KCNG2: variants seen among roughly 807,000 people sequenced by gnomAD.
The protein encoded by KCNG2 is voltage-gated potassium channel regulatory subunit KCNG2.
A neutral mutation model predicts 12.3 loss-of-function variants in KCNG2; 7 were observed. The ratio of observed to expected loss-of-function variants is 0.57; its 90% CI spans 0.32 to 1.07. The LOEUF (loss-of-function observed/expected upper bound fraction) is 1.07. Among genes scored for constraint, KCNG2 ranks in the 50% least tolerant of loss-of-function variants. The pLI is 0.04. For synonymous variants in KCNG2, 414 were observed against 351.4 expected (o/e 1.18, Z -1.99); for missense variants, 703 against 726.0 (o/e 0.97, Z 0.36).
intron 1 of KCNG2, among the ~76,000 whole-genome samples, chr18:79,813,312 A>G (rs1189163540): frequency 6.6e-6 from 1 of 152,254 alleles, no homozygotes; most frequent in Non-Finnish European, 1.5e-5. Context: ...CAGGCACACA[A>G]GTCTGGTTCA....
Position 79,871,505 on chromosome 18 carries a change from C to G in KCNG2, c.624+7214C>G, listed in dbSNP as rs77489144. ...CTCTGGGCCATGGCCCCTTCCCATC[C>G]ATGTGGTATAACAAGGGCTGTATTA... On this transcript the variant is annotated intron_variant, in intron 3 of 3. Coordinates refer to ENST00000316249, the MANE Select transcript of KCNG2 (RefSeq NM_012283.2). 7.0e-4 allele frequency among the ~76,000 whole-genome samples: 107 copies of G among 152,090 alleles called. No individual in the cohort carries two copies. In the East Asian group the frequency reaches 0.012, roughly 17 times the overall value.
At chr18:79,848,891 G>A (rs1599390145) in intron 1 of KCNG2, among the ~76,000 whole-genome samples, 1 of 152,316 alleles carries the variant, frequency 6.6e-6, no homozygotes, top group East Asian at 1.9e-4. Context: ...CTGTGCCTCG[G>A]TCCGCATGGG....
At chr18:79,889,881 C>A (rs894934541) in intron 3 of KCNG2, among the ~76,000 whole-genome samples, 1 of 152,166 alleles carries the variant, frequency 6.6e-6, no homozygotes, top group African/African-American at 2.4e-5. Flanking sequence ...TCTATAGATG[C>A]CCTTTTTGCG....
At chr18:79,838,412 T>C (rs540772305) in intron 1 of KCNG2, among the ~76,000 whole-genome samples, 29 of 151,280 alleles carry the variant, frequency 1.9e-4, no homozygotes, top group African/African-American at 6.6e-4. Context: ...GCCAAACAAG[T>C]CTTTTTTTTT....
At chr18:79,866,497 GGTCTGGGTGCTGAGGTCTGGGTGCTGAA>G (rs1979560680) in intron 3 of KCNG2, among the ~76,000 whole-genome samples, 3 of 120,976 alleles carry the variant, frequency 2.5e-5, no homozygotes, top group African/African-American at 6.3e-5. Context: ...TGTGCTGAGA[GGTCTGGGTGCTGAGGTCTGGGTGCTGAA>G]GTCTGGGTGC....
rs1478327097 is a variant in KCNG2, at chr18:79,856,386, C to A, written c.-107C>A. Among the ~76,000 whole-genome samples, 1 of 152,226 alleles carries A rather than the reference C, an allele frequency of 6.6e-6. No individual in the cohort carries two copies. Among genetic ancestry groups the A allele is most frequent in the East Asian group, 1.9e-4 (1 of 5,202 alleles). The stretch of plus-strand genomic sequence containing the variant: ...TGGATGTTCATTTTCCAGGTCGAAG[C>A]CGCTGGTCTCAGCTGTGTTTTCACC... On this transcript the variant is annotated 5_prime_UTR_variant, in exon 2 of 4. Coordinates refer to ENST00000316249, the MANE Select transcript of KCNG2 (RefSeq NM_012283.2).
In KCNG2 at chr18:79,856,382, G is replaced by A. The variant is rs1293930365; in HGVS notation, c.-111G>A. On this transcript the variant is annotated 5_prime_UTR_variant, in exon 2 of 4. Coordinates refer to ENST00000316249, the MANE Select transcript of KCNG2 (RefSeq NM_012283.2). ...AAACTGGATGTTCATTTTCCAGGTC[G>A]AAGCCGCTGGTCTCAGCTGTGTTTT... 6.6e-6 allele frequency among the ~76,000 whole-genome samples: 1 copy of A among 152,192 alleles called. No individual in the cohort carries two copies. Among genetic ancestry groups the A allele is most frequent in the East Asian group, 1.9e-4 (1 of 5,202 alleles).
rs554879080 is a variant in KCNG2 at position 79,849,022 on chromosome 18, C to T, written c.-114-7357C>T. On this transcript the variant is annotated intron_variant, in intron 1 of 3. Coordinates refer to ENST00000316249, the MANE Select transcript of KCNG2 (RefSeq NM_012283.2). ...GTGGATAATGAGTGCTTCCTGGACA[C>T]GGGACCCGTGCGGACACAGGAGAGG... Among the ~76,000 whole-genome samples, 7 of 152,270 alleles carry T rather than the reference C, an allele frequency of 4.6e-5. No individual in the cohort carries two copies. In the South Asian group the frequency reaches 8.3e-4, roughly 18 times the overall value.
intron 3 of KCNG2, among the ~76,000 whole-genome samples, chr18:79,887,251 TGAG>T (rs891469068): frequency 2.0e-5 from 3 of 149,844 alleles, no homozygotes; most frequent in Admixed American, 6.6e-5. Context: ...GGAGGGGACA[TGAG>T]GGAGATGCCT....
rs910718734 is a variant in KCNG2, at chr18:79,864,070, G to A, written c.403G>A (p.Ala135Thr). The A allele has an allele frequency of 1.1e-5, 12 of 1,077,668 alleles. No homozygotes were observed. In the African/African-American group the frequency reaches 1.9e-4, roughly 17 times the overall value. The allele number at this position is 1,077,668 out of a possible 1,614,324, so 66.8% of individuals were successfully genotyped here. A position where few individuals can be genotyped will look rare whatever the true frequency, so the allele number is the denominator to read the frequency against. Residue 135 changes from alanine to threonine, a missense_variant, in exon 3 of 4, where the codon GCG becomes ACG. Coordinates refer to ENST00000316249, the MANE Select transcript of KCNG2 (RefSeq NM_012283.2). ...RREEEAAEAR[A>T]GPTERGAQGS... ...CGAGGAGGAGGCGGCCGAGGCCCGC[G>A]CGGGGCCGACGGAGCGCGGGGCGCA...
At chr18:79,888,020 T>G (rs1197365171) in intron 3 of KCNG2, among the ~76,000 whole-genome samples, 1 of 152,212 alleles carries the variant, frequency 6.6e-6, no homozygotes, top group Non-Finnish European at 1.5e-5. Flanking sequence ...TCTGAATGCA[T>G]TTAACACCCT....
At chr18:79,801,329 C>T (rs916357308) in intron 1 of KCNG2, among the ~76,000 whole-genome samples, 1 of 152,236 alleles carries the variant, frequency 6.6e-6, no homozygotes, top group Non-Finnish European at 1.5e-5. Context: ...CTGTGAAGGC[C>T]TCAGGCCTCG....
At chr18:79,828,505 GTC>G (rs907584660) in intron 1 of KCNG2, among the ~76,000 whole-genome samples, 13 of 24,218 alleles carry the variant, frequency 5.4e-4, no homozygotes, top group Non-Finnish European at 5.1e-3. Flanking sequence ...GTCTACATGA[GTC>G]TGTGTAGTGT....
chr18:79,893,020 C>G (rs943318999), intron 3 of KCNG2, among the ~76,000 whole-genome samples: 4 of 151,244 alleles, frequency 2.6e-5, no homozygotes, highest in Non-Finnish European at 5.9e-5. Context: ...CCATTCACAT[C>G]TAATGTTACA....
Position 79,899,081 on chromosome 18 carries a change from G to GACC in KCNG2, c.667_669dup (p.Thr223dup). 6.3e-7 allele frequency: 1 copy of GACC among 1,597,016 alleles called. No individual in the cohort carries two copies. The highest frequency in any genetic ancestry group is 8.5e-7 in the Non-Finnish European group (1 of 1,175,166). ...AGTGCCGCAGCCTGTTCGTGCTGGA[G>GACC]ACCGTGTGCGTGGCCTGGTTCTCCT... On this transcript the variant is annotated inframe_insertion, in exon 4 of 4. Transcript: ENST00000316249.
At chr18:79,870,505 C>T (rs1979787914) in intron 3 of KCNG2, among the ~76,000 whole-genome samples, 2 of 152,140 alleles carry the variant, frequency 1.3e-5, no homozygotes, top group East Asian at 1.9e-4. Context: ...CTGCGCTGGG[C>T]GGCTGCTGTG....
In KCNG2 at chr18:79,888,427, CGGTGGGGCCGGG is replaced by C. The variant is rs1980619387; in HGVS notation, c.625-10612_625-10601del. ...CGGCGGCGTCCTCCTCATGAGGCCG[CGGTGGGGCCGGG>C]ACGGCGGCGTCCTCCTCATGAGGCC... On this transcript the variant is annotated intron_variant, in intron 3 of 3. Coordinates refer to ENST00000316249, the MANE Select transcript of KCNG2 (RefSeq NM_012283.2). Among the ~76,000 whole-genome samples, 3 of 141,728 alleles carry C rather than the reference CGGTGGGGCCGGG, an allele frequency of 2.1e-5. 1 individual carries two copies. In the South Asian group the frequency reaches 6.8e-4, roughly 32 times the overall value. 93.0% of individuals were successfully genotyped at this position (141,728 alleles called of 152,430 possible).
At position 79,895,319 on chromosome 18, in the gene KCNG2, G is replaced by A. The variant is rs534335208; in HGVS notation, c.625-3721G>A. On this transcript the variant is annotated intron_variant, in intron 3 of 3. Coordinates refer to ENST00000316249, the MANE Select transcript of KCNG2 (RefSeq NM_012283.2). ...ATTGTTCACTCCATTCACATTTAAT[G>A]TTACAATTCATATAGTTGAGTCTGT... is the stretch of plus-strand genomic sequence containing the variant. Among the ~76,000 whole-genome samples, 4 of 151,986 alleles carry A rather than the reference G, an allele frequency of 2.6e-5. No individual in the cohort carries two copies. The South Asian group carries it at 8.3e-4, about 32-fold the overall frequency.
chr18:79,812,599 G>T (rs1215520968), intron 1 of KCNG2, among the ~76,000 whole-genome samples: 1 of 152,338 alleles, frequency 6.6e-6, no homozygotes, highest in South Asian at 2.1e-4. Flanking sequence ...GGTGGCTCAC[G>T]CCTGTAATCC....
Sources: gnomAD v4.1 joint callset for allele counts (sites outside exome capture counted in the v4.1 genomes callset) on GRCh38, gnomAD v4.1.1 for gene constraint, MANE v1.5 for transcripts, NCBI Gene and HGNC (gene_info 2026-07-23, HGNC 2026-07-21) for gene names.